Variants in CAST observed in about 807,000 individuals in gnomAD.
The protein encoded by CAST is MIR583 host.
In CAST, 76 loss-of-function variants were observed where a neutral mutation model predicts 119.6. That is an observed-to-expected ratio of 0.64 (90% CI 0.53 to 0.77). CAST has a LOEUF of 0.77. CAST is among the 30% of genes least tolerant of loss of function. The pLI, the probability that CAST is intolerant of heterozygous loss-of-function variation, is 0.00. For synonymous variants in CAST, 319 were observed against 331.6 expected, an observed-to-expected ratio of 0.96 and a Z score of 0.41; for missense variants, 953 against 946.5, an observed-to-expected ratio of 1.01 and a Z score of -0.09.
intron 29 of CAST, 186 bp from the exon 30 acceptor site, chr5:96,770,345 C>T: frequency 3.6e-6 from 2 of 548,328 alleles, no homozygotes; most frequent in Non-Finnish European, 6.6e-6. Context: ...TATCCTTTTT[C>T]CCTCCTGCTT....
At chr5:96,220,800 G>T in the CAST span, among the ~76,000 whole-genome samples, 1 of 152,050 alleles carries the variant, frequency 6.6e-6, no homozygotes, top group South Asian at 2.1e-4. Flanking sequence ...TTTTTTCTGA[G>T]AGTCTTTCTT....
chr5:96,100,646 ATCT>A, the CAST span, among the ~76,000 whole-genome samples: 3 of 152,068 alleles, frequency 2.0e-5, no homozygotes, highest in African/African-American at 7.2e-5. Context: ...TCTTCATCTT[ATCT>A]TCTTCATTTT....
chr5:96,540,728 C>G (rs55717050), intron 1 of CAST, among the ~76,000 whole-genome samples: 48 of 152,232 alleles, frequency 3.2e-4, no homozygotes, highest in African/African-American at 9.6e-4. Flanking sequence ...CTCTAAGCTC[C>G]GGTAGTTTCT....
At chr5:96,249,423 C>A in the CAST span, among the ~76,000 whole-genome samples, 2 of 152,120 alleles carry the variant, frequency 1.3e-5, no homozygotes, top group Non-Finnish European at 2.9e-5. Flanking sequence ...TGGCAAAGGA[C>A]ATAATAATAC....
Position 96,567,019 on chromosome 5 carries a change from T to C in CAST, c.60+37139T>C, listed in dbSNP as rs1746479253. ...TCTGCACAAGAAGGGCCACGAGGGCTGGTGTCAGCATTTGCTGCAAATTAT... is the reference window on the plus strand; with the variant it reads ...TCTGCACAAGAAGGGCCACGAGGGCCGGTGTCAGCATTTGCTGCAAATTAT... On this transcript the variant is annotated intron_variant, in intron 1 of 11. Transcript: ENST00000505143. 2.0e-5 allele frequency among the ~76,000 whole-genome samples: 3 copies of C among 152,236 alleles called. No individual in the cohort carries two copies. The South Asian group carries it at 6.2e-4, about 32-fold the overall frequency.
intron 1 of CAST, among the ~76,000 whole-genome samples, chr5:96,601,048 G>A (rs1401311031): frequency 6.6e-6 from 1 of 151,918 alleles, no homozygotes; most frequent in Non-Finnish European, 1.5e-5. Flanking sequence ...TCTCTGATGT[G>A]ACTCCTTTTG....
chr5:96,429,128 G>T, the CAST span: 2 of 753,428 alleles, frequency 2.7e-6, no homozygotes, highest in Non-Finnish European at 4.6e-6. Context: ...AACCACATTT[G>T]CAAAATGCTT....
the CAST span, among the ~76,000 whole-genome samples, chr5:96,345,706 A>G: frequency 9.2e-5 from 14 of 152,146 alleles, no homozygotes; most frequent in Non-Finnish European, 2.1e-4. Flanking sequence ...ACATTTGCTC[A>G]TGTGGCTATG....
the CAST span, among the ~76,000 whole-genome samples, chr5:96,191,050 G>A: frequency 3.3e-5 from 5 of 152,204 alleles, no homozygotes; most frequent in African/African-American, 1.2e-4. Context: ...TTGTTTCAAA[G>A]GATATGATTT....
the CAST span, among the ~76,000 whole-genome samples, chr5:96,290,179 T>C: frequency 6.6e-6 from 1 of 152,230 alleles, no homozygotes; most frequent in African/African-American, 2.4e-5. Flanking sequence ...CTCATTCTTC[T>C]GTTTAAGCTT....
In CAST at chr5:96,722,708, ATGCTAATTGAGTGAG is replaced by A. The variant is rs1159944840; in HGVS notation, c.270+19_270+33del. The A allele has an allele frequency of 2.3e-5, 37 of 1,598,036 alleles. No homozygotes were observed. The African/African-American group carries it at 2.9e-4, about 13-fold the overall frequency. On this transcript the variant is annotated intron_variant, in intron 4 of 31. Transcript: ENST00000675179. ...TCCCACAGAAACCAAGGTATGAAGA[ATGCTAATTGAGTGAG>A]TGCTAATTTAAGTTGATTGTGCTGC...
chr5:96,552,639 T>C (rs1179461705), intron 1 of CAST, among the ~76,000 whole-genome samples: 2 of 152,066 alleles, frequency 1.3e-5, no homozygotes, highest in African/African-American at 4.8e-5. Context: ...AGCTGGTTTT[T>C]GAAAAGATCA....
the CAST span, among the ~76,000 whole-genome samples, chr5:96,382,923 G>A: frequency 1.4e-4 from 22 of 152,134 alleles, no homozygotes; most frequent in Non-Finnish European, 2.8e-4. Flanking sequence ...AATTTCCAAA[G>A]CACATCATGG....
At chr5:96,393,503 G>A in the CAST span, 2 of 1,130,098 alleles carry the variant, frequency 1.8e-6, no homozygotes, top group South Asian at 1.3e-5. Context: ...AGGGGAGAGA[G>A]TTCAAGACTG....
chr5:96,167,708 A>G, the CAST span, among the ~76,000 whole-genome samples: 2 of 152,226 alleles, frequency 1.3e-5, no homozygotes. Context: ...TCTGTCTGAC[A>G]GAAGGGAAGA....
intron 1 of CAST, among the ~76,000 whole-genome samples, chr5:96,602,367 G>A (rs182414499): frequency 1.2e-3 from 190 of 152,312 alleles, no homozygotes; most frequent in South Asian, 8.1e-3. Context: ...TCAGATAAGA[G>A]TCCTGCCCTC....
the CAST span, among the ~76,000 whole-genome samples, chr5:96,472,779 T>C: frequency 0.42 from 63,842 of 152,080 alleles, 13,602 homozygotes; most frequent in East Asian, 0.51. Context: ...TTCTAAACAA[T>C]GTAGGCATGA....
At chr5:96,723,799 C>G (rs575816544) in intron 4 of CAST, among the ~76,000 whole-genome samples, 1 of 152,260 alleles carries the variant, frequency 6.6e-6, no homozygotes, top group Admixed American at 6.5e-5. Context: ...AAGAGCTACC[C>G]CAACTCCATT....
chr5:96,743,813 C>T, intron 16 of CAST: 1 of 1,030,076 alleles, frequency 9.7e-7, no homozygotes, highest in Non-Finnish European at 1.4e-6. Flanking sequence ...CTTAGAGTAG[C>T]CGACAGAAGC....
Sources: gnomAD v4.1 joint callset for allele counts (sites outside exome capture counted in the v4.1 genomes callset) on GRCh38, gnomAD v4.1.1 for gene constraint, MANE v1.5 for transcripts, NCBI Gene and HGNC (gene_info 2026-07-23, HGNC 2026-07-21) for gene names.